NUP93: variants seen among roughly 807,000 people sequenced by gnomAD.
The protein encoded by NUP93 is nuclear pore complex protein Nup93.
A neutral mutation model predicts 107.8 loss-of-function variants in NUP93; 55 were observed. The observed-to-expected ratio is 0.51, with a 90% confidence interval of 0.41 to 0.64. The LOEUF (loss-of-function observed/expected upper bound fraction) is 0.64, where lower values mean the gene tolerates loss of function less well. NUP93 is among the 30% of genes least tolerant of loss of function. NUP93 has a pLI of 0.00. For missense variants in NUP93, 937 were observed against 1,044.7 expected (o/e 0.90, Z 1.42); for synonymous variants, 390 against 397.5 (o/e 0.98, Z 0.22).
In NUP93 at chr16:56,733,506, CTG is replaced by C. The variant is rs1463002327; in HGVS notation, c.-15+3300_-15+3301del. Among the ~76,000 whole-genome samples, 7 of 152,244 alleles carry C rather than the reference CTG, an allele frequency of 4.6e-5. No homozygotes were observed. In the South Asian group the frequency reaches 1.0e-3, roughly 23 times the overall value. On this transcript the variant is annotated intron_variant, in intron 1 of 21. Transcript: ENST00000308159. ...TGAAGGTGGTTCCTGGCTTACCTGACTGTGTGCTAATTGTTTTACGAAAAGAG... is the reference window on the plus strand; with the variant it reads ...TGAAGGTGGTTCCTGGCTTACCTGACTGTGCTAATTGTTTTACGAAAAGAG...
At chr16:56,812,612 G>A (rs1346896875) in intron 5 of NUP93, among the ~76,000 whole-genome samples, 1 of 152,024 alleles carries the variant, frequency 6.6e-6, no homozygotes, top group East Asian at 1.9e-4. Context: ...CAAAGTGCTG[G>A]GATTACAGGT....
chr16:56,829,217 T>C (rs1447628741), intron 9 of NUP93, 108 bp downstream of exon 9: 4 of 1,353,162 alleles, frequency 3.0e-6, no homozygotes, highest in Non-Finnish European at 4.0e-6. Context: ...TGTGTGGAGA[T>C]GGGACCAGAG....
In NUP93 at chr16:56,836,618, G is replaced by A. The variant is rs1487889011; in HGVS notation, c.1800G>A (p.Lys600=). The A allele has an allele frequency of 6.2e-7, 1 of 1,612,086 alleles. No individual in the cohort carries two copies. The highest frequency in any genetic ancestry group is 1.7e-5 in the Admixed American group (1 of 59,998). Residue 600 remains lysine (K), a synonymous_variant, in exon 17 of 22, where the codon AAG becomes AAA. Transcript: ENST00000308159. ...CTTGTCAGCCTGGAGTCATAGATAA[G>A]TTTACTAGTGACACAAAGCCTATTA... ...DGSRKPGVID[K]FTSDTKPIIN...
chr16:56,763,690 T>A (rs1357158427), intron 3 of NUP93, among the ~76,000 whole-genome samples: 1 of 152,214 alleles, frequency 6.6e-6, no homozygotes, highest in Non-Finnish European at 1.5e-5. Context: ...TAGACCTGTT[T>A]TCCCCACAGC....
intron 8 of NUP93, among the ~76,000 whole-genome samples, chr16:56,826,277 C>T (rs2144619450): frequency 6.6e-6 from 1 of 152,272 alleles, no homozygotes; most frequent in Non-Finnish European, 1.5e-5. Flanking sequence ...TTCGGGTGGC[C>T]AAGGTGGGTG....
At chr16:56,817,802 A>C (rs1963463732) in intron 5 of NUP93, among the ~76,000 whole-genome samples, 1 of 152,200 alleles carries the variant, frequency 6.6e-6, no homozygotes, top group African/African-American at 2.4e-5. Context: ...TGCCTACAGT[A>C]TCCAGTATAG....
chr16:56,833,147 G>GCCCAACTGCT, intron 12 of NUP93, 68 bp from the exon 13 acceptor site: 1 of 1,385,570 alleles, frequency 7.2e-7, no homozygotes, highest in Non-Finnish European at 9.9e-7. Context: ...TGCTGCCTGG[G>GCCCAACTGCT]GGTTGGGCCA....
intron 3 of NUP93, among the ~76,000 whole-genome samples, chr16:56,784,051 A>T (rs1962573838): frequency 6.6e-6 from 1 of 152,186 alleles, no homozygotes; most frequent in Non-Finnish European, 1.5e-5. Context: ...ATATATACTT[A>T]AAAATAGGTT....
intron 10 of NUP93, chr16:56,831,626 G>T: frequency 2.0e-6 from 1 of 490,932 alleles, no homozygotes; most frequent in Non-Finnish European, 3.7e-6. Flanking sequence ...TCAGCAAATA[G>T]AAAACCGGCA....
intron 1 of NUP93, among the ~76,000 whole-genome samples, chr16:56,740,319 G>C (rs1448643652): frequency 4.7e-5 from 7 of 149,416 alleles, no homozygotes; most frequent in Non-Finnish European, 1.0e-4. Flanking sequence ...CGGGGCGGCC[G>C]GGCAGAGACG....
chr16:56,782,884 G>T (rs1476941057), intron 3 of NUP93, among the ~76,000 whole-genome samples: 1 of 152,186 alleles, frequency 6.6e-6, no homozygotes, highest in Non-Finnish European at 1.5e-5. Context: ...AATTGAGATG[G>T]TTCTTTTTTA....
intron 5 of NUP93, among the ~76,000 whole-genome samples, chr16:56,816,869 G>A (rs567590934): frequency 3.9e-5 from 6 of 152,270 alleles, no homozygotes; most frequent in East Asian, 1.9e-4. Flanking sequence ...GCTACCCATC[G>A]TCCCTTTTCC....
chr16:56,733,469 G>A (rs77050717), intron 1 of NUP93, among the ~76,000 whole-genome samples: 1,667 of 152,252 alleles, frequency 0.011, 18 homozygotes, highest in Non-Finnish European at 0.019. Flanking sequence ...TGAAAGGGGC[G>A]CTGGGGTGAC....
rs1364576973 is a variant in NUP93 at position 56,833,342 on chromosome 16, T to G, written c.1473T>G (p.His491Gln). 1.3e-6 allele frequency: 2 copies of G among 1,599,938 alleles called. No individual in the cohort carries two copies. Among genetic ancestry groups the G allele is most frequent in the Non-Finnish European group, 1.7e-6 (2 of 1,175,002 alleles). The change falls in exon 13 of 22, where the codon CAT becomes CAG. Residue 491 changes from histidine to glutamine, a missense_variant. By Grantham distance (24) the His-to-Gln change is conservative. Transcript: ENST00000308159. ...RMERLRCHAV[H>Q]VALVLFELKL... is the part of the protein sequence containing the mutation. Reference sequence around the variant, plus strand: ...AGCGGCTGCGCTGCCATGCTGTCCATGTAGCACTGGTGCTGTTTGAGCTGA... The same window carrying G: ...AGCGGCTGCGCTGCCATGCTGTCCAGGTAGCACTGGTGCTGTTTGAGCTGA...
At chr16:56,814,995 G>C (rs952865931) in intron 5 of NUP93, among the ~76,000 whole-genome samples, 4 of 152,174 alleles carry the variant, frequency 2.6e-5, no homozygotes, top group African/African-American at 9.6e-5. Flanking sequence ...CTTTATGTGC[G>C]GGGAAATAGC....
chr16:56,758,716 C>T, intron 3 of NUP93, 61 bp downstream of exon 3: 1 of 1,093,928 alleles, frequency 9.1e-7, no homozygotes, highest in Non-Finnish European at 1.4e-6. Context: ...AGACCCTGGC[C>T]CTTTATTAAC....
In NUP93 at chr16:56,768,080, A is replaced by T. The variant is rs990773814; in HGVS notation, c.297+9425A>T. 5.3e-5 allele frequency among the ~76,000 whole-genome samples: 8 copies of T among 152,344 alleles called. 1 individual carries two copies. In the East Asian group the frequency reaches 1.5e-3, roughly 29 times the overall value. ...TAAAATTACTCAGTTTGCTGTAAAAATCTCTAAATCCTTATTGTCAGTCTT... is the reference window on the plus strand; with the variant it reads ...TAAAATTACTCAGTTTGCTGTAAAATTCTCTAAATCCTTATTGTCAGTCTT... On this transcript the variant is annotated intron_variant, in intron 3 of 21. Transcript: ENST00000308159.
At chr16:56,730,586 G>T (rs902142340) in intron 1 of NUP93, among the ~76,000 whole-genome samples, 4 of 152,120 alleles carry the variant, frequency 2.6e-5, no homozygotes, top group African/African-American at 9.7e-5. Flanking sequence ...TTACCTTCCT[G>T]ACCGTGCCCT....
intron 7 of NUP93, among the ~76,000 whole-genome samples, chr16:56,823,102 T>C (rs1963582397): frequency 6.6e-6 from 1 of 152,258 alleles, no homozygotes; most frequent in African/African-American, 2.4e-5. Flanking sequence ...GTCCCAGCTG[T>C]GTGGTGGTAA....
Sources: gnomAD v4.1 joint callset for allele counts (sites outside exome capture counted in the v4.1 genomes callset) on GRCh38, gnomAD v4.1.1 for gene constraint, MANE v1.5 for transcripts, NCBI Gene and HGNC (gene_info 2026-07-23, HGNC 2026-07-21) for gene names.